AP3B1: variants seen among roughly 807,000 people sequenced by gnomAD.
AP3B1 encodes AP-3 complex subunit beta-1.
In AP3B1, 61 loss-of-function variants were observed where a neutral mutation model predicts 132.5. The observed-to-expected ratio is 0.46, with a 90% CI of 0.37 to 0.57. The LOEUF (loss-of-function observed/expected upper bound fraction) is 0.57. AP3B1 is among the 20% of genes least tolerant of loss of function. AP3B1 has a pLI of 0.00. For missense variants in AP3B1, 1,120 were observed against 1,289.4 expected (o/e 0.87, Z 2.01); for synonymous variants, 388 against 438.3 (o/e 0.89, Z 1.43).
intron 22 of AP3B1, among the ~76,000 whole-genome samples, chr5:78,073,347 C>T (rs1307457906): frequency 2.0e-5 from 3 of 152,172 alleles, no homozygotes; most frequent in Non-Finnish European, 2.9e-5. Context: ...ACAGTGGTAA[C>T]AGAAGTTAAC....
chr5:78,087,268 T>C (rs755493712), intron 22 of AP3B1, among the ~76,000 whole-genome samples: 17 of 152,202 alleles, frequency 1.1e-4, no homozygotes, highest in Non-Finnish European at 1.5e-5. Context: ...GTTGTAATTC[T>C]TGAGGGGTTT....
chr5:78,138,113 T>C (rs1037414193), intron 15 of AP3B1, among the ~76,000 whole-genome samples: 4 of 152,218 alleles, frequency 2.6e-5, no homozygotes, highest in African/African-American at 9.6e-5. Flanking sequence ...TTATATCTAA[T>C]GGATTACACA....
At chr5:78,168,219 C>CTTTTTT (rs535444476) in intron 11 of AP3B1, among the ~76,000 whole-genome samples, 1 of 142,720 alleles carries the variant, frequency 7.0e-6, no homozygotes, top group Admixed American at 7.0e-5. Context: ...CAACTTTTTT[C>CTTTTTT]TTTTTTCTTT....
chr5:78,270,881 A>G lies in AP3B1; in HGVS notation c.129-3286T>C, dbSNP rs1367716864. 3.3e-5 allele frequency among the ~76,000 whole-genome samples: 5 copies of G among 152,158 alleles called. No individual in the cohort carries two copies. In the South Asian group the frequency reaches 8.3e-4, roughly 25 times the overall value. ...CTCCTCCTTTTGATTCTGTAGCTCT[A>G]TTCTCATCTGGTTCTCCATTCGCAT... is the stretch of plus-strand genomic sequence containing the variant. On this transcript the variant is annotated intron_variant, in intron 1 of 26. Transcript: ENST00000255194.
chr5:78,225,435 AC>A (rs1485486839), intron 6 of AP3B1, 106 bp downstream of exon 6: 3 of 611,448 alleles, frequency 4.9e-6, no homozygotes, highest in Non-Finnish European at 8.1e-6. Context: ...TAATATTTAT[AC>A]CATTTTGAAA....
chr5:78,098,392 CT>C (rs1051557611), intron 21 of AP3B1, among the ~76,000 whole-genome samples: 3 of 150,972 alleles, frequency 2.0e-5, no homozygotes, highest in African/African-American at 7.3e-5. Context: ...ATAGGTTTTT[CT>C]TTTTTTACCG....
At chr5:78,008,733 G>A (rs561262787) in intron 26 of AP3B1, among the ~76,000 whole-genome samples, 6 of 152,130 alleles carry the variant, frequency 3.9e-5, no homozygotes, top group Non-Finnish European at 7.4e-5. Context: ...CAATGAAGAA[G>A]GTTGACAGTA....
At chr5:78,081,715 T>G (rs1750016369) in intron 22 of AP3B1, among the ~76,000 whole-genome samples, 1 of 152,194 alleles carries the variant, frequency 6.6e-6, no homozygotes, top group Non-Finnish European at 1.5e-5. Flanking sequence ...CACTCACTGC[T>G]CCTTTTACAT....
At chr5:78,155,427 T>C (rs182797281) in intron 14 of AP3B1, among the ~76,000 whole-genome samples, 17 of 152,316 alleles carry the variant, frequency 1.1e-4, no homozygotes, top group African/African-American at 3.1e-4. Context: ...TTTTTGGTTA[T>C]GATGGTGCTT....
At chr5:78,266,388 A>G (rs1270417589) in intron 2 of AP3B1, among the ~76,000 whole-genome samples, 2 of 152,180 alleles carry the variant, frequency 1.3e-5, no homozygotes, top group African/African-American at 4.8e-5. Flanking sequence ...ACATGAAAGC[A>G]AGGATCAAGT....
chr5:78,193,770 A>ATATATATATATT, intron 7 of AP3B1, among the ~76,000 whole-genome samples: 1 of 67,216 alleles, frequency 1.5e-5, no homozygotes, highest in African/African-American at 5.2e-5. Flanking sequence ...ATATATATAT[A>ATATATATATATT]TTTTTTTTTT....
chr5:78,057,701 CATTA>C (rs1297684137), intron 22 of AP3B1, among the ~76,000 whole-genome samples: 2 of 152,098 alleles, frequency 1.3e-5, no homozygotes, highest in Middle Eastern at 3.2e-3. Flanking sequence ...CACAGTAAAT[CATTA>C]TTTACTTGTG....
intron 9 of AP3B1, 79 bp downstream of exon 9, chr5:78,177,260 T>C (rs1744184449): frequency 1.6e-5 from 15 of 934,134 alleles, no homozygotes; most frequent in Non-Finnish European, 2.2e-5. Context: ...ATATATTAAA[T>C]GCCTGAAAGA....
intron 21 of AP3B1, among the ~76,000 whole-genome samples, chr5:78,095,803 C>A (rs1217334042): frequency 6.6e-6 from 1 of 152,098 alleles, no homozygotes; most frequent in African/African-American, 2.4e-5. Context: ...GACTTGTTAA[C>A]AAGAGAGTTT....
intron 12 of AP3B1, among the ~76,000 whole-genome samples, chr5:78,163,624 G>C (rs888896438): frequency 6.6e-5 from 9 of 136,684 alleles, no homozygotes; most frequent in African/African-American, 2.4e-4. Flanking sequence ...TGTATATATA[G>C]TATATATATA....
intron 24 of AP3B1, among the ~76,000 whole-genome samples, chr5:78,023,617 C>T (rs1480112017): frequency 6.6e-6 from 1 of 152,054 alleles, no homozygotes; most frequent in South Asian, 2.1e-4. Context: ...AAGGATAAAG[C>T]GCAAATCTGG....
intron 7 of AP3B1, among the ~76,000 whole-genome samples, chr5:78,193,770 A>ATATATATATATATT: frequency 6.0e-5 from 4 of 67,214 alleles, no homozygotes; most frequent in African/African-American, 2.1e-4. Flanking sequence ...ATATATATAT[A>ATATATATATATATT]TTTTTTTTTT....
At chr5:78,091,248 A>T in intron 21 of AP3B1, among the ~76,000 whole-genome samples, 1 of 150,496 alleles carries the variant, frequency 6.6e-6, no homozygotes, top group Admixed American at 6.7e-5. Flanking sequence ...AACAAAACCT[A>T]ATTAAGAAAA....
intron 22 of AP3B1, among the ~76,000 whole-genome samples, chr5:78,053,844 C>T (rs1748695301): frequency 6.6e-6 from 1 of 152,148 alleles, no homozygotes; most frequent in Non-Finnish European, 1.5e-5. Flanking sequence ...CTGAGCTGTA[C>T]CACAAGCTGC....
Sources: gnomAD v4.1 joint callset for allele counts (sites outside exome capture counted in the v4.1 genomes callset) on GRCh38, gnomAD v4.1.1 for gene constraint, MANE v1.5 for transcripts, NCBI Gene and HGNC (gene_info 2026-07-23, HGNC 2026-07-21) for gene names.